Variants in GSTCD observed in about 807,000 individuals in gnomAD.
GSTCD encodes the protein glutathione S-transferase C-terminal domain-containing protein.
Under a neutral mutation model 68.3 loss-of-function variants are expected in GSTCD, and 44 were observed. The ratio of observed to expected loss-of-function variants is 0.64; its 90% CI spans 0.51 to 0.83. The LOEUF (loss-of-function observed/expected upper bound fraction) is 0.83. Among genes scored for constraint, GSTCD ranks in the 40% least tolerant of loss-of-function variants. The probability of loss-of-function intolerance (pLI) is 0.00; values close to 1 mark genes in which losing one functional copy is unlikely to be tolerated. For synonymous variants in GSTCD, 273 were observed against 255.2 expected (o/e 1.07, Z -0.67); for missense variants, 739 against 735.9 (o/e 1.00, Z -0.05).
intron 5 of GSTCD, chr4:105,746,136 A>G (rs1733794346): frequency 6.6e-6 from 1 of 152,170 alleles, no homozygotes; most frequent in African/African-American, 2.4e-5. Flanking sequence ...TTAATAGCCT[A>G]CTGTTGACTG....
chr4:105,801,681 A>AT (rs1736111067), intron 5 of GSTCD, among the ~76,000 whole-genome samples: 2 of 151,942 alleles, frequency 1.3e-5, no homozygotes, highest in South Asian at 2.1e-4. Context: ...GTATTCTCTG[A>AT]TTTTTTTAAT....
intron 5 of GSTCD, among the ~76,000 whole-genome samples, chr4:105,795,479 A>T (rs1735849413): frequency 6.6e-6 from 1 of 152,084 alleles, no homozygotes; most frequent in Non-Finnish European, 1.5e-5. Context: ...AATCCAGTGT[A>T]TGATCAATTT....
At chr4:105,843,683 T>G (rs766205727) in intron 11 of GSTCD, 2 of 152,184 alleles carry the variant, frequency 1.3e-5, no homozygotes, top group Non-Finnish European at 2.9e-5. Context: ...ATTCATTCAC[T>G]CCACCCTCTT....
chr4:105,778,106 G>T (rs1454915079), intron 5 of GSTCD, among the ~76,000 whole-genome samples: 2 of 152,162 alleles, frequency 1.3e-5, no homozygotes, highest in East Asian at 1.9e-4. Flanking sequence ...TGACAGAAAT[G>T]AACAACAAAA....
intron 5 of GSTCD, among the ~76,000 whole-genome samples, chr4:105,734,867 G>T (rs1011567687): frequency 6.6e-6 from 1 of 152,094 alleles, no homozygotes; most frequent in Non-Finnish European, 1.5e-5. Context: ...TGGTGTGGAT[G>T]TCCTGTCTGT....
chr4:105,808,149 C>G (rs557389204), intron 5 of GSTCD, among the ~76,000 whole-genome samples: 71 of 152,154 alleles, frequency 4.7e-4, no homozygotes, highest in South Asian at 3.9e-3. Context: ...CAAAGTTGAT[C>G]ATTTTTCTCT....
In GSTCD at chr4:105,830,378, A is replaced by G. The variant is rs1031495355; in HGVS notation, c.1531-4083A>G. On this transcript the variant is annotated intron_variant, in intron 8 of 11. Transcript: ENST00000515279. ...CAGAAAACTTCTAATCTAAAATTCT[A>G]TACCTAGCTAATCCATCAGTCTAGT... 3.3e-5 allele frequency among the ~76,000 whole-genome samples: 5 copies of G among 152,206 alleles called. 1 individual carries two copies. In the South Asian group the frequency reaches 8.3e-4, roughly 25 times the overall value.
At chr4:105,745,580 T>C (rs1309661277) in intron 5 of GSTCD, among the ~76,000 whole-genome samples, 2 of 152,222 alleles carry the variant, frequency 1.3e-5, no homozygotes, top group African/African-American at 4.8e-5. Context: ...TTTTGCCTTG[T>C]GAATTTTTGT....
At chr4:105,757,526 A>T (rs1179309729) in intron 5 of GSTCD, among the ~76,000 whole-genome samples, 1 of 152,184 alleles carries the variant, frequency 6.6e-6, no homozygotes, top group Non-Finnish European at 1.5e-5. Context: ...CTCTGAAATC[A>T]AAGATTTTAC....
intron 5 of GSTCD, among the ~76,000 whole-genome samples, chr4:105,732,957 C>G (rs910490726): frequency 2.6e-4 from 39 of 152,204 alleles, no homozygotes; most frequent in African/African-American, 9.4e-4. Context: ...ACCCAGTAGT[C>G]ATTCAGGAGC....
At chr4:105,744,742 G>A (rs1733745369) in intron 5 of GSTCD, among the ~76,000 whole-genome samples, 1 of 152,158 alleles carries the variant, frequency 6.6e-6, no homozygotes, top group Non-Finnish European at 1.5e-5. Flanking sequence ...CAGCCCTAGA[G>A]TCAGCTGTTT....
At chr4:105,724,216 C>T (rs977428527) in intron 3 of GSTCD, among the ~76,000 whole-genome samples, 1 of 151,516 alleles carries the variant, frequency 6.6e-6, no homozygotes, top group African/African-American at 2.4e-5. Context: ...ATGGTTTCTA[C>T]GGAAACATTT....
intron 1 of GSTCD, among the ~76,000 whole-genome samples, chr4:105,711,925 A>C (rs1466730813): frequency 6.6e-6 from 1 of 152,236 alleles, no homozygotes; most frequent in Non-Finnish European, 1.5e-5. Context: ...GTTAGATTCC[A>C]TTTATACTTT....
chr4:105,823,891 C>T (rs1187197719), intron 7 of GSTCD, among the ~76,000 whole-genome samples: 3 of 152,088 alleles, frequency 2.0e-5, no homozygotes, highest in Admixed American at 6.5e-5. Context: ...CATCATATTT[C>T]GGAGACTACC....
chr4:105,811,394 A>C (rs1377184860), intron 5 of GSTCD, among the ~76,000 whole-genome samples: 1 of 152,012 alleles, frequency 6.6e-6, no homozygotes, highest in Admixed American at 6.6e-5. Context: ...TGTTTGAAGA[A>C]TAACTGGTAG....
At chr4:105,798,340 T>A (rs1000012156) in intron 5 of GSTCD, among the ~76,000 whole-genome samples, 1 of 151,932 alleles carries the variant, frequency 6.6e-6, no homozygotes, top group African/African-American at 2.4e-5. Context: ...TCTTCAACAC[T>A]CCTGTTCATA....
At chr4:105,777,256 T>C (rs1201692622) in intron 5 of GSTCD, among the ~76,000 whole-genome samples, 1 of 152,226 alleles carries the variant, frequency 6.6e-6, no homozygotes, top group Non-Finnish European at 1.5e-5. Flanking sequence ...ATTAAAATTC[T>C]ATAATTTTGT....
chr4:105,759,294 G>A lies in GSTCD; in HGVS notation c.1240+29795G>A, dbSNP rs140900954. On this transcript the variant is annotated intron_variant, in intron 5 of 11. Coordinates refer to ENST00000515279, the MANE Select transcript of GSTCD (RefSeq NM_001370181.1). Reference sequence around the variant, plus strand: ...GTCAGCCTCTCTACATTGTGCTAACGGAATTCCCAAGAATATTTATTATTA... The same window carrying A: ...GTCAGCCTCTCTACATTGTGCTAACAGAATTCCCAAGAATATTTATTATTA... Among the ~76,000 whole-genome samples, 1,370 of 151,868 alleles carry A rather than the reference G, an allele frequency of 9.0e-3. 19 individuals are homozygous for A. The highest frequency in any genetic ancestry group is 0.029 in the African/African-American group (1,221 of 41,402).
intron 10 of GSTCD, chr4:105,840,423 T>G (rs1234173607): frequency 1.3e-5 from 3 of 237,838 alleles, no homozygotes; most frequent in Non-Finnish European, 2.6e-5. Context: ...AATGTTTTTT[T>G]TAAGCATACA....
Sources: gnomAD v4.1 joint callset for allele counts (sites outside exome capture counted in the v4.1 genomes callset) on GRCh38, gnomAD v4.1.1 for gene constraint, MANE v1.5 for transcripts, NCBI Gene and HGNC (gene_info 2026-07-23, HGNC 2026-07-21) for gene names.